FRMD4A: variants seen among roughly 807,000 people sequenced by gnomAD.
FRMD4A encodes FERM domain-containing protein 4A.
Under a neutral mutation model 129.1 loss-of-function variants are expected in FRMD4A, and 29 were observed. The ratio of observed to expected loss-of-function variants is 0.22; its 90% CI spans 0.17 to 0.31. The LOEUF (loss-of-function observed/expected upper bound fraction) is 0.31, where lower values mean the gene tolerates loss of function less well. Among genes scored for constraint, FRMD4A ranks in the 10% least tolerant of loss-of-function variants. The pLI is 1.00. For missense variants in FRMD4A, 1,272 were observed against 1,375.8 expected (o/e 0.92, Z 1.19); for synonymous variants, 634 against 571.6 (o/e 1.11, Z -1.56).
At position 13,998,150 on chromosome 10, in the gene FRMD4A, T is replaced by A. The variant is rs563892298; in HGVS notation, c.46-139238A>T. The stretch of plus-strand genomic sequence containing the variant: ...TTCAGGTCCAGTGTGCTGACAATTT[T>A]CTTTCCATCCACACACATTCCCCAG... On this transcript the variant is annotated intron_variant, in intron 2 of 24. Transcript: ENST00000357447. Among the ~76,000 whole-genome samples the A allele has an allele frequency of 1.1e-4, 16 of 152,286 alleles. No individual in the cohort carries two copies. In the South Asian group the frequency reaches 2.7e-3, roughly 26 times the overall value.
In FRMD4A at chr10:13,756,093, A is replaced by T. The variant is rs190529867; in HGVS notation, c.464+5554T>A. The T allele has an allele frequency of 2.1e-3, 319 of 152,338 alleles. 2 individuals carry two copies. The highest frequency in any genetic ancestry group is 6.7e-3 in the African/African-American group (279 of 41,586). The allele number at this position is 152,338 out of a possible 1,614,324, so 9.4% of individuals were successfully genotyped here. A position where few individuals can be genotyped will look rare whatever the true frequency, so the allele number is the denominator to read the frequency against. ...ATGCTGGGAGAATCCTGTTTTAGTG[A>T]TTAGCATCAGTATATCCAGTCCTCG... On this transcript the variant is annotated intron_variant, in intron 8 of 24. Transcript: ENST00000357447.
At chr10:14,278,606 A>T (rs1017128342) in intron 2 of FRMD4A, among the ~76,000 whole-genome samples, 1 of 152,344 alleles carries the variant, frequency 6.6e-6, no homozygotes, top group East Asian at 1.9e-4. Flanking sequence ...TAACAGCAAC[A>T]AAAGCCCAAA....
intron 3 of FRMD4A, among the ~76,000 whole-genome samples, chr10:13,832,741 G>A (rs766037952): frequency 2.6e-5 from 4 of 152,152 alleles, no homozygotes; most frequent in Non-Finnish European, 4.4e-5. Context: ...GTAGGTGGGA[G>A]TGATCCTCCC....
At chr10:14,324,742 C>T (rs1257657178) in intron 2 of FRMD4A, among the ~76,000 whole-genome samples, 2 of 152,176 alleles carry the variant, frequency 1.3e-5, no homozygotes, top group African/African-American at 4.8e-5. Flanking sequence ...CTCACGGCAA[C>T]CTCTGCCTCC....
At chr10:14,299,578 C>T (rs921789835) in intron 2 of FRMD4A, among the ~76,000 whole-genome samples, 3 of 152,172 alleles carry the variant, frequency 2.0e-5, no homozygotes, top group African/African-American at 4.8e-5. Context: ...GTAAATTGAG[C>T]ATCATTCCAA....
intron 2 of FRMD4A, among the ~76,000 whole-genome samples, chr10:13,975,371 T>C (rs750137521): frequency 1.3e-5 from 2 of 152,054 alleles, no homozygotes; most frequent in Middle Eastern, 6.8e-3. Context: ...TGTATGTGTG[T>C]GTCTACTGCA....
At chr10:13,887,790 A>G (rs1379089950) in intron 2 of FRMD4A, among the ~76,000 whole-genome samples, 1 of 152,226 alleles carries the variant, frequency 6.6e-6, no homozygotes, top group East Asian at 1.9e-4. Context: ...TGTAAACGTA[A>G]GAGAGGAACA....
At chr10:13,891,507 C>G in intron 2 of FRMD4A, 2 of 687,774 alleles carry the variant, frequency 2.9e-6, no homozygotes, top group Non-Finnish European at 1.8e-6. Flanking sequence ...CTCCAGGCCC[C>G]CAGTAAAGAA....
chr10:14,229,035 C>A (rs1414426437), intron 2 of FRMD4A, among the ~76,000 whole-genome samples: 1 of 151,972 alleles, frequency 6.6e-6, no homozygotes, highest in Non-Finnish European at 1.5e-5. Context: ...GTGGACTTTT[C>A]TTATCTTTGC....
intron 2 of FRMD4A, among the ~76,000 whole-genome samples, chr10:14,097,620 T>C (rs1421681888): frequency 6.6e-6 from 1 of 152,042 alleles, no homozygotes; most frequent in African/African-American, 2.4e-5. Flanking sequence ...TTAATTATTA[T>C]ACTTATAGAT....
intron 3 of FRMD4A, among the ~76,000 whole-genome samples, chr10:13,812,154 C>G (rs2093460376): frequency 6.6e-6 from 1 of 152,204 alleles, no homozygotes; most frequent in African/African-American, 2.4e-5. Flanking sequence ...GTTGGGATTA[C>G]AGGCATGAGC....
rs145530100 is a variant in FRMD4A, at chr10:13,646,610, C to T, written c.*428G>A. On this transcript the variant is annotated 3_prime_UTR_variant, in exon 25 of 25. Coordinates refer to ENST00000357447, the MANE Select transcript of FRMD4A (RefSeq NM_018027.5). ...CCGTTCTCTCCCAACGCTACTTATC[C>T]GCAGGAATTGGATGCCGGCTGGCCC... The T allele has an allele frequency of 4.7e-3, 723 of 152,548 alleles. 2 individuals carry two copies. The highest frequency in any genetic ancestry group is 7.9e-3 in the Non-Finnish European group (535 of 68,128). 9.4% of individuals were successfully genotyped at this position (152,548 alleles called of 1,614,324 possible).
chr10:14,197,562 C>T (rs1842508139), intron 2 of FRMD4A, among the ~76,000 whole-genome samples: 1 of 152,050 alleles, frequency 6.6e-6, no homozygotes, highest in Non-Finnish European at 1.5e-5. Context: ...GGTTTCATCA[C>T]ATTGACCAGG....
intron 2 of FRMD4A, among the ~76,000 whole-genome samples, chr10:13,922,348 T>C (rs368466778): frequency 6.6e-6 from 1 of 152,018 alleles, no homozygotes; most frequent in Non-Finnish European, 1.5e-5. Context: ...CAGGCAATGG[T>C]CTTTAAGATC....
At chr10:14,203,318 C>A (rs774993592) in intron 2 of FRMD4A, among the ~76,000 whole-genome samples, 1 of 152,170 alleles carries the variant, frequency 6.6e-6, no homozygotes, top group Admixed American at 6.5e-5. Flanking sequence ...TCCATCTCAA[C>A]ATTTGGTAGA....
At chr10:13,883,260 C>A (rs1262278205) in intron 2 of FRMD4A, among the ~76,000 whole-genome samples, 1 of 151,206 alleles carries the variant, frequency 6.6e-6, no homozygotes, top group African/African-American at 2.4e-5. Flanking sequence ...GAGGCTGAGG[C>A]GGGTGGATTA....
At chr10:13,964,697 G>T (rs2095473190) in intron 2 of FRMD4A, among the ~76,000 whole-genome samples, 1 of 140,334 alleles carries the variant, frequency 7.1e-6, no homozygotes, top group Non-Finnish European at 1.5e-5. Context: ...TTTTGAGACA[G>T]AGTTTCGCTC....
chr10:14,279,411 C>T lies in FRMD4A; in HGVS notation c.45+50647G>A, dbSNP rs148171715. 3.2e-3 allele frequency among the ~76,000 whole-genome samples: 489 copies of T among 152,114 alleles called. 3 individuals carry two copies. The highest frequency in any genetic ancestry group is 0.011 in the African/African-American group (437 of 41,478). ...ATGGGGTTTCACCAGGTTGGCCAGG[C>T]TGGTCTCAAACTTCTGACCGCAAGT... On this transcript the variant is annotated intron_variant, in intron 2 of 24. Transcript: ENST00000357447.
chr10:13,884,190 ACACACT>A (rs1564971464), intron 2 of FRMD4A, among the ~76,000 whole-genome samples: 6 of 88,696 alleles, frequency 6.8e-5, no homozygotes, highest in Admixed American at 5.2e-4. Flanking sequence ...ACACACACAC[ACACACT>A]CACACACACA....
Sources: gnomAD v4.1 joint callset for allele counts (sites outside exome capture counted in the v4.1 genomes callset) on GRCh38, gnomAD v4.1.1 for gene constraint, MANE v1.5 for transcripts, NCBI Gene and HGNC (gene_info 2026-07-23, HGNC 2026-07-21) for gene names.